Variants in NHLRC3 observed in about 807,000 individuals in gnomAD.
NHLRC3 encodes the protein NHL repeat-containing protein 3.
In NHLRC3, 23 loss-of-function variants were observed where a neutral mutation model predicts 32.0. That is an observed-to-expected ratio of 0.72 (90% confidence interval 0.52 to 1.02). The LOEUF (loss-of-function observed/expected upper bound fraction) is 1.02, where lower values mean the gene tolerates loss of function less well. Among genes scored for constraint, NHLRC3 ranks in the 50% least tolerant of loss-of-function variants. The pLI, the probability that NHLRC3 is intolerant of heterozygous loss-of-function variation, is 0.00. For synonymous variants in NHLRC3, 159 were observed against 147.9 expected, an observed-to-expected ratio of 1.08 and a Z score of -0.55; for missense variants, 407 against 406.8, an observed-to-expected ratio of 1.00 and a Z score of -0.01.
rs142288118 is a variant in NHLRC3, at chr13:39,039,281, T to C, written c.230T>C (p.Ile77Thr). The change falls in exon 2 of 7, where the codon ATA (isoleucine) becomes ACA (threonine). Residue 77 changes from isoleucine to threonine, a missense_variant. Transcript: ENST00000379600. The part of the protein sequence containing the change: ...AVDSLNGLVY[I>T]GQRGDNIPKI... ...GACTCCCTCAATGGATTGGTTTACA[T>C]AGGTCAAGTAAGTAAATAGAGATTT... 5.7e-4 allele frequency: 925 copies of C among 1,611,224 alleles called. 4 individuals carry two copies. The African/African-American group carries it at 0.011, about 19-fold the overall frequency.
chr13:39,044,013 T>C (rs1871562381), intron 4 of NHLRC3, 77 bp from the exon 5 acceptor site: 2 of 1,040,050 alleles, frequency 1.9e-6, no homozygotes, highest in Admixed American at 1.7e-5. Flanking sequence ...TAGTTCTTTG[T>C]AACCTGTTTC....
At chr13:39,039,456 GAA>G in intron 2 of NHLRC3, 106 bp from the exon 3 acceptor site, 1 of 1,165,200 alleles carries the variant, frequency 8.6e-7, no homozygotes, top group East Asian at 2.4e-5. Context: ...GTTAGATTTT[GAA>G]AGTGGTTTTT....
At chr13:39,039,411 G>C in intron 2 of NHLRC3, 123 bp downstream of exon 2, 5 of 1,078,050 alleles carry the variant, frequency 4.6e-6, no homozygotes, top group Non-Finnish European at 6.7e-6. Context: ...TTTTGAGTTG[G>C]TCTCAAGTAT....
In NHLRC3 at chr13:39,048,786, A is replaced by G. The variant is rs1336520013; in HGVS notation, c.*860A>G. On this transcript the variant is annotated 3_prime_UTR_variant, in exon 7 of 7. Coordinates refer to ENST00000379600, the MANE Select transcript of NHLRC3 (RefSeq NM_001012754.4). ...GGAATAAAATGGCTGGCATCTAAGC[A>G]CTTTAGTAAAAGAGGTTTTTACAAA... 1 of 152,438 alleles carries G rather than the reference A, an allele frequency of 6.6e-6. No individual in the cohort carries two copies. The highest frequency in any genetic ancestry group is 1.5e-5 in the Non-Finnish European group (1 of 68,026). 9.4% of individuals were successfully genotyped at this position (152,438 alleles called of 1,614,324 possible).
chr13:39,041,962 T>C (rs1470502623), intron 3 of NHLRC3, 143 bp from the exon 4 acceptor site: 2 of 587,282 alleles, frequency 3.4e-6, no homozygotes, highest in Non-Finnish European at 6.0e-6. Flanking sequence ...GCTATAGTGC[T>C]TGTCAATTAT....
At position 39,039,248 on chromosome 13, in the gene NHLRC3, T is replaced by C. The variant is rs765204720; in HGVS notation, c.197T>C (p.Val66Ala). The C allele has an allele frequency of 5.0e-6, 8 of 1,613,994 alleles. No homozygotes were observed. Among genetic ancestry groups the C allele is most frequent in the Non-Finnish European group, 6.8e-6 (8 of 1,179,946 alleles). Residue 66 changes from valine to alanine, a missense_variant, in exon 2 of 7, where the codon GTT becomes GCT. By Grantham distance (64) the Val-to-Ala change is moderately conservative. Coordinates refer to ENST00000379600, the MANE Select transcript of NHLRC3 (RefSeq NM_001012754.4). ...PEYFTGTTFCVAVDSLNGLVY... is the reference protein window; with the variant it reads ...PEYFTGTTFCAAVDSLNGLVY... Reference sequence around the variant, plus strand: ...TATTTTACCGGAACAACATTTTGTGTTGCAGTTGACTCCCTCAATGGATTG... The same window carrying C: ...TATTTTACCGGAACAACATTTTGTGCTGCAGTTGACTCCCTCAATGGATTG...
chr13:39,046,796 C>A (rs550979049), intron 5 of NHLRC3, among the ~76,000 whole-genome samples: 90 of 152,308 alleles, frequency 5.9e-4, no homozygotes, highest in African/African-American at 2.1e-3. Context: ...GAACAGTAGA[C>A]AGAGTATTAT....
At chr13:39,038,399 T>C (rs924461694), upstream of NHLRC3, 2 of 555,196 alleles carry the variant, frequency 3.6e-6, no homozygotes, top group African/African-American at 1.9e-5. Flanking sequence ...GCACCTGACA[T>C]GAGGGCGGGG....
chr13:39,044,405 A>G (rs527281390), intron 5 of NHLRC3: 4 of 459,500 alleles, frequency 8.7e-6, no homozygotes, highest in African/African-American at 4.0e-5. Flanking sequence ...TGAGTCCTAT[A>G]GTGAGGGGGT....
intron 5 of NHLRC3, among the ~76,000 whole-genome samples, 171 bp from the exon 6 acceptor site, chr13:39,046,869 G>A (rs538324070): frequency 2.0e-5 from 3 of 152,270 alleles, no homozygotes; most frequent in Non-Finnish European, 2.9e-5. Flanking sequence ...CTTCAGAGAC[G>A]GCAACCTTTC....
rs1871291982 is a variant in NHLRC3, at chr13:39,038,512, A to G, written c.-128A>G. On this transcript the variant is annotated 5_prime_UTR_variant, in exon 1 of 7. Transcript: ENST00000379600. ...CAAAGCTCGTGCATCCAGGGAGGGG[A>G]AACCGGAGATAGGGTCTTCGGGCCC... is the stretch of plus-strand genomic sequence containing the variant. 1.3e-6 allele frequency: 1 copy of G among 751,566 alleles called. No homozygotes were observed. The highest frequency in any genetic ancestry group is 2.1e-5 in the Admixed American group (1 of 48,582). The allele number at this position is 751,566 out of a possible 1,614,324, so 46.6% of individuals were successfully genotyped here.
In NHLRC3 at chr13:39,049,739, G is replaced by A. The variant is rs183984647; in HGVS notation, c.*1813G>A. 6.3e-4 allele frequency: 96 copies of A among 152,246 alleles called. No individual in the cohort carries two copies. Among genetic ancestry groups the A allele is most frequent in the African/African-American group, 2.0e-3 (84 of 41,550 alleles). The allele number at this position is 152,246 out of a possible 1,614,324, so 9.4% of individuals were successfully genotyped here. A position where few individuals can be genotyped will look rare whatever the true frequency, so the allele number is the denominator to read the frequency against. On this transcript the variant is annotated 3_prime_UTR_variant, in exon 7 of 7. Coordinates refer to ENST00000379600, the MANE Select transcript of NHLRC3 (RefSeq NM_001012754.4). ...CAAATGCCTCTTTGAAGCAATTTAGGCTAAACTGATTTTGAAATTTCAAAA... is the reference window on the plus strand; with the variant it reads ...CAAATGCCTCTTTGAAGCAATTTAGACTAAACTGATTTTGAAATTTCAAAA...
intron 1 of NHLRC3, 158 bp downstream of exon 1, chr13:39,038,881 A>G (rs934745027): frequency 1.7e-5 from 12 of 702,994 alleles, no homozygotes; most frequent in Non-Finnish European, 2.7e-5. Flanking sequence ...CTTTGAGTTT[A>G]AAAATTTGTG....
rs1871313145 is a variant in NHLRC3 at position 39,038,723 on chromosome 13, A to G, written c.84A>G (p.Pro28=). The change falls in exon 1 of 7, where the codon CCA becomes CCG. Residue 28 remains proline, a splice_region_variant and synonymous_variant. Coordinates refer to ENST00000379600, the MANE Select transcript of NHLRC3 (RefSeq NM_001012754.4). ...LVLHSRFCGS[P]VLRNFTFAVS... is the part of the protein sequence containing the mutation. ...TGCATTCGCGTTTTTGTGGCTCTCCAGTGAGTTGGGTAGTGAGGAAATGAC... is the reference window on the plus strand; with the variant it reads ...TGCATTCGCGTTTTTGTGGCTCTCCGGTGAGTTGGGTAGTGAGGAAATGAC... 1 of 1,612,340 alleles carries G rather than the reference A, an allele frequency of 6.2e-7. No homozygotes were observed. The highest frequency in any genetic ancestry group is 2.2e-5 in the East Asian group (1 of 44,854).
chr13:39,047,651 A>T (rs199846677), intron 6 of NHLRC3, 23 bp from the exon 7 acceptor site: 1 of 1,593,906 alleles, frequency 6.3e-7, no homozygotes, highest in Non-Finnish European at 8.6e-7. Context: ...GACATTTATT[A>T]TGTTAAATGT....
intron 1 of NHLRC3, 58 bp from the exon 2 acceptor site, chr13:39,039,078 C>CCG: frequency 1.2e-5 from 12 of 1,038,062 alleles, no homozygotes; most frequent in Non-Finnish European, 1.4e-5. Flanking sequence ...CCCCCCCGCC[C>CCG]TTTTTTTGTT....
rs193234044 is a variant in NHLRC3, at chr13:39,047,376, T to C, written c.791+224T>C. Among the ~76,000 whole-genome samples the C allele has an allele frequency of 1.6e-3, 250 of 152,324 alleles. 1 individual carries two copies. Among genetic ancestry groups the C allele is most frequent in the African/African-American group, 5.1e-3 (214 of 41,588 alleles). On this transcript the variant is annotated intron_variant, in intron 6 of 6. Transcript: ENST00000379600. ...TCTCCTCTAGCCTTTATTTGGTAAA[T>C]GTTTAAACAGGACAAAAATCAAACC... is the stretch of plus-strand genomic sequence containing the variant.
At chr13:39,039,078 C>CCCTTT in intron 1 of NHLRC3, 58 bp from the exon 2 acceptor site, 1 of 1,038,072 alleles carries the variant, frequency 9.6e-7, no homozygotes, top group Non-Finnish European at 1.4e-6. Context: ...CCCCCCCGCC[C>CCCTTT]TTTTTTTGTT....
intron 5 of NHLRC3, 119 bp downstream of exon 5, chr13:39,044,300 T>C (rs1871584024): frequency 1.3e-6 from 1 of 757,862 alleles, no homozygotes; most frequent in South Asian, 1.6e-5. Flanking sequence ...GTGGTATACA[T>C]GTGTGTCTGG....
Sources: gnomAD v4.1 joint callset for allele counts (sites outside exome capture counted in the v4.1 genomes callset) on GRCh38, gnomAD v4.1.1 for gene constraint, MANE v1.5 for transcripts, NCBI Gene and HGNC (gene_info 2026-07-23, HGNC 2026-07-21) for gene names.